The following ZFPM2 variants were observed in gnomAD, a reference collection of about 807,000 sequenced individuals.
ZFPM2 encodes zinc finger protein, FOG family member 2, also known as zinc finger protein ZFPM2.
In ZFPM2, 20 loss-of-function variants were observed where a neutral mutation model predicts 98.6. The observed-to-expected ratio is 0.20, with a 90% CI of 0.14 to 0.29. The LOEUF is 0.29. Among genes scored for constraint, ZFPM2 ranks in the 10% least tolerant of loss-of-function variants. The pLI is 1.00. For missense variants in ZFPM2, 1,310 were observed against 1,388.6 expected (o/e 0.94, Z 0.90); for synonymous variants, 518 against 502.7 (o/e 1.03, Z -0.41).
intron 6 of ZFPM2, among the ~76,000 whole-genome samples, chr8:105,792,178 T>TCACA (rs1813635337): frequency 6.6e-6 from 1 of 152,218 alleles, no homozygotes; most frequent in Non-Finnish European, 1.5e-5. Flanking sequence ...TTAATTGTGA[T>TCACA]GTTAGAGTGT....
intron 3 of ZFPM2, among the ~76,000 whole-genome samples, chr8:105,548,741 G>T (rs1814772059): frequency 6.6e-6 from 1 of 152,048 alleles, no homozygotes; most frequent in Admixed American, 6.6e-5. Context: ...TGCCTTAGGA[G>T]ATTTTTTTCC....
intron 3 of ZFPM2, among the ~76,000 whole-genome samples, chr8:105,475,525 C>T (rs1473408011): frequency 6.6e-6 from 1 of 152,150 alleles, no homozygotes; most frequent in African/African-American, 2.4e-5. Flanking sequence ...TGTTAAGTGT[C>T]CAGTCACAAT....
intron 5 of ZFPM2, among the ~76,000 whole-genome samples, chr8:105,643,476 C>T (rs553039123): frequency 3.3e-5 from 5 of 152,144 alleles, no homozygotes; most frequent in African/African-American, 1.2e-4. Flanking sequence ...ATCCAGCTCT[C>T]CACTTTCTCC....
At chr8:105,564,786 A>T (rs1432859316) in intron 4 of ZFPM2, among the ~76,000 whole-genome samples, 1 of 152,052 alleles carries the variant, frequency 6.6e-6, no homozygotes, top group Non-Finnish European at 1.5e-5. Context: ...GTATGCAAAA[A>T]TTAGAAATAT....
At chr8:105,351,254 T>G (rs1812637724) in intron 1 of ZFPM2, among the ~76,000 whole-genome samples, 1 of 152,068 alleles carries the variant, frequency 6.6e-6, no homozygotes, top group African/African-American at 2.4e-5. Flanking sequence ...TTTAAATCAT[T>G]TCTGTATTAC....
chr8:105,577,564 CATT>C (rs990248116), intron 4 of ZFPM2, among the ~76,000 whole-genome samples: 4 of 151,912 alleles, frequency 2.6e-5, no homozygotes, highest in Middle Eastern at 3.4e-3. Flanking sequence ...TTGTTTCTAA[CATT>C]ATTTTTCTTA....
chr8:105,333,381 TTG>T (rs1169993961), intron 1 of ZFPM2, among the ~76,000 whole-genome samples: 1 of 151,698 alleles, frequency 6.6e-6, no homozygotes, highest in Non-Finnish European at 1.5e-5. Flanking sequence ...TTGAATCTGT[TTG>T]TGCTTAACTC....
At chr8:105,619,302 A>T (rs761438760) in intron 4 of ZFPM2, among the ~76,000 whole-genome samples, 19 of 152,118 alleles carry the variant, frequency 1.2e-4, no homozygotes, top group Non-Finnish European at 2.6e-4. Context: ...CAAATGTACC[A>T]TTCATAAGCT....
chr8:105,793,466 G>C (rs996291337), intron 6 of ZFPM2, among the ~76,000 whole-genome samples: 1 of 152,182 alleles, frequency 6.6e-6, no homozygotes, highest in Non-Finnish European at 1.5e-5. Flanking sequence ...CTGTTAGTCT[G>C]ATGGGCTTCC....
At chr8:105,506,334 CAG>C (rs886659732) in intron 3 of ZFPM2, among the ~76,000 whole-genome samples, 12 of 152,178 alleles carry the variant, frequency 7.9e-5, no homozygotes, top group African/African-American at 2.9e-4. Flanking sequence ...TACACATGCA[CAG>C]AGTTTACTAT....
intron 4 of ZFPM2, among the ~76,000 whole-genome samples, chr8:105,565,503 C>A (rs1815225409): frequency 6.6e-6 from 1 of 152,104 alleles, no homozygotes; most frequent in African/African-American, 2.4e-5. Context: ...ATATTTATCT[C>A]CTTTGTTGCA....
At chr8:105,800,930 ATT>A in intron 7 of ZFPM2, 115 bp from the exon 8 acceptor site, 1 of 981,474 alleles carries the variant, frequency 1.0e-6, no homozygotes, top group Non-Finnish European at 1.5e-6. Context: ...CACGAATGAA[ATT>A]TTGAAAGATT....
At chr8:105,795,850 T>A (rs10505087) in intron 6 of ZFPM2, 1 of 465,838 alleles carries the variant, frequency 2.1e-6, no homozygotes, top group East Asian at 5.9e-5. Context: ...TGAAAACACA[T>A]GAGTAGCAGA....
intron 4 of ZFPM2, among the ~76,000 whole-genome samples, chr8:105,615,174 G>GAAA (rs5893751): frequency 1.4e-5 from 2 of 147,118 alleles, no homozygotes; most frequent in South Asian, 2.1e-4. Context: ...TTAATAACAT[G>GAAA]AAAAAAAAAA....
At chr8:105,694,184 C>T (rs532122258) in intron 5 of ZFPM2, among the ~76,000 whole-genome samples, 6 of 151,692 alleles carry the variant, frequency 4.0e-5, no homozygotes, top group Admixed American at 1.3e-4. Flanking sequence ...GACGGGGTTT[C>T]GCTGTGTTAG....
At chr8:105,393,400 A>T (rs1327638008) in intron 1 of ZFPM2, among the ~76,000 whole-genome samples, 1 of 51,880 alleles carries the variant, frequency 1.9e-5, no homozygotes, top group Non-Finnish European at 3.6e-5. Flanking sequence ...CTTCTTCAGA[A>T]TTTAAATATG....
intron 5 of ZFPM2, among the ~76,000 whole-genome samples, chr8:105,661,029 A>G (rs2130886074): frequency 6.6e-6 from 1 of 152,326 alleles, no homozygotes; most frequent in South Asian, 2.1e-4. Context: ...GCATGGGGAC[A>G]TGTGATGCTT....
intron 1 of ZFPM2, chr8:105,418,491 C>T (rs1338420117): frequency 9.9e-6 from 5 of 503,812 alleles, no homozygotes; most frequent in African/African-American, 9.9e-5. Context: ...ATTTTTATTA[C>T]TGAAAAAGTA....
Position 105,412,370 on chromosome 8 carries a change from T to C in ZFPM2, c.41-6774T>C, listed in dbSNP as rs78219484. ...AAATTCAGGTAATTTCCTTCAACTTTCTTGATTGAAGGACAGCAGTTGGTA... is the reference window on the plus strand; with the variant it reads ...AAATTCAGGTAATTTCCTTCAACTTCCTTGATTGAAGGACAGCAGTTGGTA... On this transcript the variant is annotated intron_variant, in intron 1 of 7. Transcript: ENST00000407775. Among the ~76,000 whole-genome samples the C allele has an allele frequency of 4.6e-3, 705 of 151,848 alleles. 17 individuals carry two copies. In the East Asian group the frequency reaches 0.083, roughly 18 times the overall value.
Sources: gnomAD v4.1 joint callset for allele counts (sites outside exome capture counted in the v4.1 genomes callset) on GRCh38, gnomAD v4.1.1 for gene constraint, MANE v1.5 for transcripts, NCBI Gene and HGNC (gene_info 2026-07-23, HGNC 2026-07-21) for gene names.